The following MED12L variants were observed in gnomAD, a reference collection of about 807,000 sequenced individuals.
MED12L encodes the protein mediator of RNA polymerase II transcription subunit 12-like protein.
MED12L carries 60 observed loss-of-function variants against 281.3 expected under a neutral mutation model. That is an observed-to-expected ratio of 0.21 (90% confidence interval 0.17 to 0.26). The LOEUF (loss-of-function observed/expected upper bound fraction) is 0.26. MED12L is among the 10% of genes least tolerant of loss of function. The pLI is 1.00. For synonymous variants in MED12L, 974 were observed against 987.2 expected (o/e 0.99, Z 0.25); for missense variants, 2,146 against 2,680.9 (o/e 0.80, Z 4.41).
Position 151,409,334 on chromosome 3 carries a change from T to C in MED12L, c.5910+2T>C. 6.2e-7 allele frequency: 1 copy of C among 1,613,874 alleles called. No homozygotes were observed. Among genetic ancestry groups the C allele is most frequent in the Non-Finnish European group, 8.5e-7 (1 of 1,179,882 alleles). On this transcript the variant is annotated splice_donor_variant, in intron 40 of 44. Transcript: ENST00000687756. LOFTEE classifies it high-confidence loss of function. The stretch of plus-strand genomic sequence containing the variant: ...TATCCAGGGCTGCAGCAAGCACAGG[T>C]ACCCACATTTGCTTTGTAGGTACTG...
At chr3:151,412,590 T>C (rs559417986) in intron 41 of MED12L, among the ~76,000 whole-genome samples, 1 of 152,346 alleles carries the variant, frequency 6.6e-6, no homozygotes, top group Admixed American at 6.5e-5. Context: ...AAAATAGATA[T>C]TTTGGATAAT....
chr3:151,138,156 T>G (rs1716422100), intron 5 of MED12L, among the ~76,000 whole-genome samples: 1 of 152,172 alleles, frequency 6.6e-6, no homozygotes, highest in African/African-American at 2.4e-5. Context: ...TAGCATACTA[T>G]ATATACTGTT....
intron 2 of MED12L, among the ~76,000 whole-genome samples, chr3:151,112,592 G>A (rs139620307): frequency 7.6e-4 from 115 of 152,298 alleles, no homozygotes; most frequent in African/African-American, 2.6e-3. Context: ...GTTTCCTGTT[G>A]AAGTGCCTAT....
At position 151,246,463 on chromosome 3, in the gene MED12L, G is replaced by A. The variant is rs538626511; in HGVS notation, c.2250+52797G>A. The stretch of plus-strand genomic sequence containing the variant: ...ACAGAACAGAGCCCTCAGAAATAAC[G>A]CCGCATATCTACAACTCTCTGATCT... On this transcript the variant is annotated intron_variant, in intron 16 of 44. Transcript: ENST00000687756. 1.8e-3 allele frequency among the ~76,000 whole-genome samples: 275 copies of A among 151,970 alleles called. 1 individual carries two copies. The highest frequency in any genetic ancestry group is 6.4e-3 in the African/African-American group (266 of 41,410).
intron 16 of MED12L, chr3:151,199,282 T>G: frequency 6.2e-7 from 1 of 1,613,978 alleles, no homozygotes; most frequent in South Asian, 1.1e-5. Context: ...AAGCCCAGGT[T>G]GCAAAACAAC....
At chr3:151,105,262 G>C (rs971091394) in intron 2 of MED12L, among the ~76,000 whole-genome samples, 1 of 151,970 alleles carries the variant, frequency 6.6e-6, no homozygotes, top group Non-Finnish European at 1.5e-5. Context: ...CTTCTTCCTT[G>C]TGTGATTAAA....
intron 16 of MED12L, among the ~76,000 whole-genome samples, chr3:151,344,612 A>G (rs545253208): frequency 6.6e-6 from 1 of 152,322 alleles, no homozygotes; most frequent in South Asian, 2.1e-4. Context: ...TTCCGGATAT[A>G]TACTGGATTT....
chr3:151,422,079 G>A (rs1466574196), intron 43 of MED12L, among the ~76,000 whole-genome samples: 3 of 152,166 alleles, frequency 2.0e-5, no homozygotes, highest in African/African-American at 7.2e-5. Context: ...GATTGCAGTC[G>A]TGTGTGTGGT....
chr3:151,247,556 G>A (rs1033775012), intron 16 of MED12L, among the ~76,000 whole-genome samples: 87 of 144,930 alleles, frequency 6.0e-4, no homozygotes, highest in Non-Finnish European at 1.1e-3. Context: ...GGTGGGAATT[G>A]AACAATGAGA....
intron 16 of MED12L, among the ~76,000 whole-genome samples, chr3:151,319,415 C>T (rs530006370): frequency 6.6e-6 from 1 of 151,526 alleles, no homozygotes; most frequent in East Asian, 1.9e-4. Context: ...TTAGCCATTA[C>T]AAACCCCAAA....
rs565836635 is a variant in MED12L at position 151,175,263 on chromosome 3, TG to T, written c.1494+9283del. ...CTACATATTATTCCATATTATTTATTGGTGCTGTAATATGAATAATATCTTC... is the reference window on the plus strand; with the variant it reads ...CTACATATTATTCCATATTATTTATTGTGCTGTAATATGAATAATATCTTC... On this transcript the variant is annotated intron_variant, in intron 11 of 44. Coordinates refer to ENST00000687756, the MANE Select transcript of MED12L (RefSeq NM_001393769.1). 1.1e-3 allele frequency among the ~76,000 whole-genome samples: 167 copies of T among 152,366 alleles called. 2 individuals carry two copies. The highest frequency in any genetic ancestry group is 6.8e-3 in the Middle Eastern group (2 of 294).
intron 16 of MED12L, among the ~76,000 whole-genome samples, chr3:151,251,502 CCCGTG>C (rs1365444607): frequency 6.6e-6 from 1 of 152,128 alleles, no homozygotes; most frequent in East Asian, 1.9e-4. Context: ...CCTCCACTCA[CCCGTG>C]AGAGGAATCC....
intron 16 of MED12L, among the ~76,000 whole-genome samples, chr3:151,242,171 C>T (rs1734273152): frequency 6.6e-6 from 1 of 152,218 alleles, no homozygotes; most frequent in African/African-American, 2.4e-5. Flanking sequence ...TGAGATCAAA[C>T]TGCAAGGCAG....
At chr3:151,209,095 G>C (rs1344951601) in intron 16 of MED12L, among the ~76,000 whole-genome samples, 1 of 152,160 alleles carries the variant, frequency 6.6e-6, no homozygotes, top group Non-Finnish European at 1.5e-5. Context: ...CCTTCAAAAA[G>C]TAACAAGTAG....
chr3:151,315,757 T>C (rs755519420), intron 16 of MED12L, among the ~76,000 whole-genome samples: 3 of 152,148 alleles, frequency 2.0e-5, no homozygotes, highest in Non-Finnish European at 4.4e-5. Flanking sequence ...TGCTAGTAAA[T>C]TGGAGAACAA....
At position 151,207,308 on chromosome 3, in the gene MED12L, C is replaced by T. The variant is rs150755671; in HGVS notation, c.2250+13642C>T. Among the ~76,000 whole-genome samples, 7 of 152,202 alleles carry T rather than the reference C, an allele frequency of 4.6e-5. No individual in the cohort carries two copies. In the East Asian group the frequency reaches 1.4e-3, roughly 29 times the overall value. On this transcript the variant is annotated intron_variant, in intron 16 of 44. Coordinates refer to ENST00000687756, the MANE Select transcript of MED12L (RefSeq NM_001393769.1). ...ACAGGCTGCCTCCTGAGCTCTTATC[C>T]TGGAGAATATTTTATGCTTTGTACA...
chr3:151,293,010 T>G lies in MED12L; in HGVS notation c.2251-57049T>G, dbSNP rs190882880. On this transcript the variant is annotated intron_variant, in intron 16 of 44. Coordinates refer to ENST00000687756, the MANE Select transcript of MED12L (RefSeq NM_001393769.1). ...CATGCACTTCAGTGTCCATTGCATT[T>G]ATAGAATTGGAATCTTGATGGACAG... Among the ~76,000 whole-genome samples the G allele has an allele frequency of 5.3e-5, 8 of 152,326 alleles. No individual in the cohort carries two copies. The East Asian group carries it at 1.5e-3, about 29-fold the overall frequency.
chr3:151,402,822 A>G (rs1715851048), intron 39 of MED12L, among the ~76,000 whole-genome samples: 2 of 152,176 alleles, frequency 1.3e-5, no homozygotes, highest in Non-Finnish European at 2.9e-5. Flanking sequence ...TTCCTGCAAC[A>G]TTGTTTTAAA....
At chr3:151,382,208 C>T (rs1203601659) in intron 32 of MED12L, among the ~76,000 whole-genome samples, 1 of 152,136 alleles carries the variant, frequency 6.6e-6, no homozygotes, top group Non-Finnish European at 1.5e-5. Flanking sequence ...AAGACACATA[C>T]ATAAGATAGC....
Sources: allele counts gnomAD v4.1 joint callset (sites outside exome capture counted in the v4.1 genomes callset), GRCh38; gene constraint gnomAD v4.1.1; transcripts MANE v1.5; gene names NCBI Gene and HGNC (gene_info 2026-07-23, HGNC 2026-07-21).